SLMAP: variants seen among roughly 807,000 people sequenced by gnomAD.
SLMAP encodes the protein sarcolemmal membrane-associated protein.
SLMAP carries 44 observed loss-of-function variants against 128.8 expected under a neutral mutation model. That is an observed-to-expected ratio of 0.34 (90% CI 0.27 to 0.44). The LOEUF is 0.44. SLMAP is among the 20% of genes least tolerant of loss of function. The pLI is 1.00. For missense variants in SLMAP, 787 were observed against 985.3 expected (o/e 0.80, Z 2.69); for synonymous variants, 327 against 348.8 (o/e 0.94, Z 0.70).
intron 7 of SLMAP, 52 bp downstream of exon 7, chr3:57,857,880 C>G: frequency 8.1e-7 from 1 of 1,233,008 alleles, no homozygotes; most frequent in Non-Finnish European, 1.2e-6. Context: ...TTTAATATTC[C>G]ATACATGTTA....
At chr3:57,903,155 A>G (rs1445900105) in intron 17 of SLMAP, among the ~76,000 whole-genome samples, 1 of 152,214 alleles carries the variant, frequency 6.6e-6, no homozygotes, top group Non-Finnish European at 1.5e-5. Flanking sequence ...AGAGCCAAAA[A>G]GATCCAGCTG....
intron 2 of SLMAP, among the ~76,000 whole-genome samples, chr3:57,784,362 T>C (rs1227908696): frequency 6.6e-6 from 1 of 152,200 alleles, no homozygotes; most frequent in Non-Finnish European, 1.5e-5. Flanking sequence ...TCTGTCCTAG[T>C]GTGCCCAGGA....
intron 14 of SLMAP, among the ~76,000 whole-genome samples, chr3:57,888,667 T>A (rs867704919): frequency 1.3e-5 from 2 of 151,770 alleles, no homozygotes; most frequent in Non-Finnish European, 2.9e-5. Flanking sequence ...TTGAGGATGG[T>A]AGTAGAAAAT....
rs778260611 is a variant in SLMAP at position 57,864,905 on chromosome 3, A to G, written c.1186+48A>G. On this transcript the variant is annotated intron_variant, in intron 12 of 24. Coordinates refer to ENST00000671191, the MANE Select transcript of SLMAP (RefSeq NM_001377540.1). ...ACTTAAACCTGAATTTTATCCTTAA[A>G]CTTTTGACCTTGTTTACTGTCTCAC... is the stretch of plus-strand genomic sequence containing the variant. The G allele has an allele frequency of 2.1e-6, 3 of 1,427,898 alleles. No individual in the cohort carries two copies. The South Asian group carries it at 3.9e-5, about 19-fold the overall frequency. The allele number at this position is 1,427,898 out of a possible 1,614,324, so 88.5% of individuals were successfully genotyped here.
intron 13 of SLMAP, among the ~76,000 whole-genome samples, chr3:57,868,839 A>G (rs2095382213): frequency 1.4e-5 from 2 of 138,672 alleles, no homozygotes; most frequent in South Asian, 4.3e-4. Flanking sequence ...ATATATGTGT[A>G]TTATATATAA....
intron 2 of SLMAP, among the ~76,000 whole-genome samples, chr3:57,817,032 T>C (rs1188163568): frequency 1.3e-5 from 2 of 152,182 alleles, no homozygotes; most frequent in Non-Finnish European, 2.9e-5. Flanking sequence ...TGAAAGACTT[T>C]GAAAGTCACA....
At chr3:57,796,499 CAT>C (rs1379220888) in intron 2 of SLMAP, among the ~76,000 whole-genome samples, 1 of 152,192 alleles carries the variant, frequency 6.6e-6, no homozygotes, top group Admixed American at 6.5e-5. Flanking sequence ...TTTCCTCCCT[CAT>C]AGGATTGTTG....
At chr3:57,827,369 T>A (rs975464473) in intron 2 of SLMAP, among the ~76,000 whole-genome samples, 3 of 152,236 alleles carry the variant, frequency 2.0e-5, no homozygotes, top group African/African-American at 2.4e-5. Flanking sequence ...GCAGGAACTT[T>A]CTGAAGGTCA....
intron 14 of SLMAP, among the ~76,000 whole-genome samples, chr3:57,879,437 A>G (rs1335399133): frequency 1.3e-5 from 2 of 152,206 alleles, no homozygotes. Flanking sequence ...TCATAGCAGC[A>G]TTATTCACAT....
intron 8 of SLMAP, 83 bp from the exon 9 acceptor site, chr3:57,860,616 T>C (rs1560287539): frequency 9.7e-7 from 1 of 1,031,422 alleles, no homozygotes; most frequent in East Asian, 2.9e-5. Flanking sequence ...ATTTAAAGTA[T>C]ATCATAATGT....
intron 2 of SLMAP, among the ~76,000 whole-genome samples, chr3:57,813,284 T>C (rs919482757): frequency 6.6e-6 from 1 of 152,100 alleles, no homozygotes; most frequent in Admixed American, 6.5e-5. Context: ...TTGGTAGAGA[T>C]GGGGTTTCAC....
chr3:57,920,828 A>G (rs1353993309), intron 22 of SLMAP, among the ~76,000 whole-genome samples: 1 of 152,140 alleles, frequency 6.6e-6, no homozygotes, highest in Non-Finnish European at 1.5e-5. Context: ...CAGCCTGACC[A>G]ACAAGGTGAA....
At chr3:57,880,912 C>T (rs1171969686) in intron 14 of SLMAP, among the ~76,000 whole-genome samples, 2 of 151,996 alleles carry the variant, frequency 1.3e-5, no homozygotes, top group African/African-American at 4.8e-5. Flanking sequence ...AGTTTTAGGG[C>T]TGGGCGCAGT....
rs561272609 is a variant in SLMAP at position 57,857,017 on chromosome 3, T to C, written c.520-716T>C. On this transcript the variant is annotated intron_variant, in intron 6 of 24. Coordinates refer to ENST00000671191, the MANE Select transcript of SLMAP (RefSeq NM_001377540.1). ...GCATGACTGTGTATGTGTGTATGCATAGATATATGTCTACATACACACAGT... is the reference window on the plus strand; with the variant it reads ...GCATGACTGTGTATGTGTGTATGCACAGATATATGTCTACATACACACAGT... Among the ~76,000 whole-genome samples the C allele has an allele frequency of 3.9e-5, 6 of 152,264 alleles. No individual in the cohort carries two copies. In the South Asian group the frequency reaches 8.3e-4, roughly 21 times the overall value.
chr3:57,842,634 G>T (rs2093992803), intron 4 of SLMAP, among the ~76,000 whole-genome samples: 1 of 152,066 alleles, frequency 6.6e-6, no homozygotes, highest in Admixed American at 6.5e-5. Flanking sequence ...TGTGTTCTCA[G>T]GTTCCATCTA....
intron 15 of SLMAP, chr3:57,891,205 G>GT (rs2096061459): frequency 7.0e-6 from 1 of 142,164 alleles, no homozygotes; most frequent in African/African-American, 2.6e-5. Flanking sequence ...TAGAGCCTTA[G>GT]GAAAAAAAAA....
chr3:57,875,843 ATTG>A (rs1407154653), intron 14 of SLMAP, among the ~76,000 whole-genome samples: 4 of 152,234 alleles, frequency 2.6e-5, no homozygotes, highest in Non-Finnish European at 4.4e-5. Flanking sequence ...CATTGTAAAA[ATTG>A]TTGTGTTTAA....
Position 57,928,605 on chromosome 3 carries a change from T to C in SLMAP, c.*1316T>C, listed in dbSNP as rs372051127. The C allele has an allele frequency of 1.3e-3, 194 of 152,328 alleles. No individual in the cohort carries two copies. The highest frequency in any genetic ancestry group is 4.0e-3 in the African/African-American group (165 of 41,578). 9.4% of individuals were successfully genotyped at this position (152,328 alleles called of 1,614,324 possible). On this transcript the variant is annotated 3_prime_UTR_variant, in exon 25 of 25. Transcript: ENST00000671191. ...ATGGTTTTGTGCGGCATCATAGTTA[T>C]GTCAATAAAGTTTATTTAGGTCATA...
intron 2 of SLMAP, among the ~76,000 whole-genome samples, chr3:57,785,669 T>C (rs1033060821): frequency 1.3e-5 from 2 of 152,210 alleles, no homozygotes; most frequent in African/African-American, 4.8e-5. Context: ...GCCCATCTGC[T>C]TCTACTACCA....
Sources: gnomAD v4.1 joint callset for allele counts (sites outside exome capture counted in the v4.1 genomes callset) on GRCh38, gnomAD v4.1.1 for gene constraint, MANE v1.5 for transcripts, NCBI Gene and HGNC (gene_info 2026-07-23, HGNC 2026-07-21) for gene names.